The following AUTS2 variants were observed in gnomAD, a reference collection of about 807,000 sequenced individuals.
AUTS2 encodes the protein activator of transcription and developmental regulator AUTS2, also known as autism susceptibility gene 2 protein.
AUTS2 carries 17 observed loss-of-function variants against 112.4 expected under a neutral mutation model. The observed-to-expected ratio is 0.15, with a 90% CI of 0.10 to 0.23. The LOEUF is 0.23. AUTS2 is among the 10% of genes least tolerant of loss of function. The pLI is 1.00. For missense variants in AUTS2, 1,510 were observed against 1,701.6 expected, an observed-to-expected ratio of 0.89 and a Z score of 1.98; for synonymous variants, 751 against 702.7, an observed-to-expected ratio of 1.07 and a Z score of -1.09.
intron 2 of AUTS2, among the ~76,000 whole-genome samples, chr7:70,070,137 G>C (rs1802685861): frequency 6.6e-6 from 1 of 152,036 alleles, no homozygotes; most frequent in Non-Finnish European, 1.5e-5. Flanking sequence ...ATGTTTTCTG[G>C]TATTCTGGGC....
At chr7:69,841,372 C>T (rs961408111) in intron 1 of AUTS2, among the ~76,000 whole-genome samples, 1 of 152,050 alleles carries the variant, frequency 6.6e-6, no homozygotes, top group African/African-American at 2.4e-5. Context: ...GTGCCACATA[C>T]TTTTAAATGA....
At chr7:70,277,755 TTTG>T (rs568424202) in intron 4 of AUTS2, among the ~76,000 whole-genome samples, 7 of 152,144 alleles carry the variant, frequency 4.6e-5, no homozygotes, top group Non-Finnish European at 1.0e-4. Flanking sequence ...ATTTCTGTTT[TTTG>T]TTGTTGTGTA....
At chr7:70,024,730 A>G (rs956771317) in intron 2 of AUTS2, among the ~76,000 whole-genome samples, 1 of 152,146 alleles carries the variant, frequency 6.6e-6, no homozygotes, top group Non-Finnish European at 1.5e-5. Context: ...CTGTAGGGCA[A>G]GCAGTAGGTT....
rs113159819 is a variant in AUTS2 at position 70,112,039 on chromosome 7, C to A, written c.523-6093C>A. On this transcript the variant is annotated intron_variant, in intron 2 of 18. Coordinates refer to ENST00000342771, the MANE Select transcript of AUTS2 (RefSeq NM_015570.4). ...CTATACTTGCCTTTTTGTCTTATTT[C>A]TTTTTTGTTCATTTCAATCTTTATA... 1.6e-3 allele frequency among the ~76,000 whole-genome samples: 242 copies of A among 151,758 alleles called. 6 individuals are homozygous for A. The highest frequency in any genetic ancestry group is 5.5e-3 in the African/African-American group (228 of 41,460).
chr7:70,398,473 C>G (rs1450223270), intron 4 of AUTS2, among the ~76,000 whole-genome samples: 1 of 151,658 alleles, frequency 6.6e-6, no homozygotes, highest in Non-Finnish European at 1.5e-5. Flanking sequence ...TGTGTGATCC[C>G]TAGTTTTTTA....
chr7:69,961,594 A>T (rs1371960174), intron 2 of AUTS2, among the ~76,000 whole-genome samples: 1 of 152,170 alleles, frequency 6.6e-6, no homozygotes, highest in Non-Finnish European at 1.5e-5. Flanking sequence ...TAGCAATGAA[A>T]GTATGAACAG....
chr7:69,782,547 A>G (rs2129315362), intron 1 of AUTS2, among the ~76,000 whole-genome samples: 1 of 152,218 alleles, frequency 6.6e-6, no homozygotes, highest in South Asian at 2.1e-4. Flanking sequence ...AATGTTTTCA[A>G]TCCCAGAGAC....
intron 2 of AUTS2, among the ~76,000 whole-genome samples, chr7:70,047,876 G>A (rs981933622): frequency 4.6e-5 from 7 of 152,128 alleles, no homozygotes; most frequent in Admixed American, 1.3e-4. Context: ...GTAGAGTAGA[G>A]TAGCCTTCAA....
chr7:69,751,310 A>T (rs1787727660), intron 1 of AUTS2, among the ~76,000 whole-genome samples: 1 of 152,108 alleles, frequency 6.6e-6, no homozygotes, highest in Non-Finnish European at 1.5e-5. Context: ...TGGCAGATTG[A>T]TTTCTTTCCA....
intron 4 of AUTS2, among the ~76,000 whole-genome samples, chr7:70,363,835 C>T (rs1208609292): frequency 1.3e-5 from 2 of 152,174 alleles, no homozygotes; most frequent in East Asian, 3.9e-4. Flanking sequence ...CTTTGAACTC[C>T]TCCTTCTATG....
At chr7:70,235,660 T>G (rs1405471881) in intron 4 of AUTS2, among the ~76,000 whole-genome samples, 1 of 150,152 alleles carries the variant, frequency 6.7e-6, no homozygotes, top group African/African-American at 2.4e-5. Flanking sequence ...TTTCTTTTCT[T>G]TTTTTTTTTG....
intron 5 of AUTS2, among the ~76,000 whole-genome samples, chr7:70,478,934 C>T (rs1474951035): frequency 6.6e-6 from 1 of 152,006 alleles, no homozygotes; most frequent in Admixed American, 6.6e-5. Flanking sequence ...GATGTTATGT[C>T]GCCAGACCCT....
At chr7:69,890,616 G>A (rs1175049853) in intron 1 of AUTS2, among the ~76,000 whole-genome samples, 1 of 151,556 alleles carries the variant, frequency 6.6e-6, no homozygotes, top group African/African-American at 2.4e-5. Context: ...CAGTAATCAG[G>A]CTACCAGATA....
intron 4 of AUTS2, among the ~76,000 whole-genome samples, chr7:70,318,018 T>A (rs1349212799): frequency 6.6e-6 from 1 of 152,180 alleles, no homozygotes; most frequent in Non-Finnish European, 1.5e-5. Context: ...AAAAAACCTG[T>A]GGTGTCGGTT....
In AUTS2 at chr7:70,548,442, T is replaced by G. The variant is rs139351190; in HGVS notation, c.690+112661T>G. 1.8e-3 allele frequency among the ~76,000 whole-genome samples: 268 copies of G among 152,318 alleles called. 1 individual carries two copies. The highest frequency in any genetic ancestry group is 6.2e-3 in the African/African-American group (256 of 41,576). ...TTTGTTGAAGTCCAGTTTATCAGTTTTTTTTTTATGGATCATACTTTTGTT... is the reference window on the plus strand; with the variant it reads ...TTTGTTGAAGTCCAGTTTATCAGTTGTTTTTTTATGGATCATACTTTTGTT... On this transcript the variant is annotated intron_variant, in intron 5 of 18. Coordinates refer to ENST00000342771, the MANE Select transcript of AUTS2 (RefSeq NM_015570.4).
At chr7:70,629,011 C>T (rs540225426) in intron 5 of AUTS2, among the ~76,000 whole-genome samples, 34 of 152,244 alleles carry the variant, frequency 2.2e-4, no homozygotes, top group African/African-American at 7.7e-4. Flanking sequence ...TTAGTAAGTA[C>T]TGAGGTTCTG....
chr7:69,953,181 G>A (rs1036090079), intron 2 of AUTS2, among the ~76,000 whole-genome samples: 3 of 152,144 alleles, frequency 2.0e-5, no homozygotes, highest in African/African-American at 4.8e-5. Context: ...TGTTGGAACT[G>A]GAGAATGGTG....
intron 4 of AUTS2, among the ~76,000 whole-genome samples, chr7:70,233,248 T>C (rs997545034): frequency 1.3e-5 from 2 of 152,196 alleles, no homozygotes; most frequent in African/African-American, 4.8e-5. Flanking sequence ...TACCACGTCA[T>C]CCAACACATG....
intron 1 of AUTS2, among the ~76,000 whole-genome samples, chr7:69,833,962 G>GA (rs1791610448): frequency 6.6e-6 from 1 of 152,166 alleles, no homozygotes; most frequent in Admixed American, 6.5e-5. Context: ...GACCCTCTGG[G>GA]ATTGGGCACC....
Sources: gnomAD v4.1 joint callset for allele counts (sites outside exome capture counted in the v4.1 genomes callset) on GRCh38, gnomAD v4.1.1 for gene constraint, MANE v1.5 for transcripts, NCBI Gene and HGNC (gene_info 2026-07-23, HGNC 2026-07-21) for gene names.